ST18: variants seen among roughly 807,000 people sequenced by gnomAD.
ST18 encodes the protein ST18 C2H2C-type zinc finger transcription factor.
A neutral mutation model predicts 110.0 loss-of-function variants in ST18; 50 were observed. That is an observed-to-expected ratio of 0.45 (90% CI 0.36 to 0.58). The LOEUF (loss-of-function observed/expected upper bound fraction) is 0.58. Ranked by LOEUF, ST18 falls within the 20% of genes least tolerant of loss-of-function variation. The pLI is 0.00. For missense variants in ST18, 1,306 were observed against 1,280.1 expected, an observed-to-expected ratio of 1.02 and a Z score of -0.31; for synonymous variants, 461 against 452.4, an observed-to-expected ratio of 1.02 and a Z score of -0.24.
chr8:52,266,156 A>G (rs555524190), intron 2 of ST18, among the ~76,000 whole-genome samples: 1 of 152,218 alleles, frequency 6.6e-6, no homozygotes, highest in Non-Finnish European at 1.5e-5. Flanking sequence ...TGGGAATGGT[A>G]AGGTTGTCAA....
At chr8:52,370,184 G>T (rs1310047974) in intron 2 of ST18, among the ~76,000 whole-genome samples, 1 of 152,212 alleles carries the variant, frequency 6.6e-6, no homozygotes, top group Non-Finnish European at 1.5e-5. Flanking sequence ...AAAGACCATT[G>T]CTATTCAGGG....
intron 2 of ST18, among the ~76,000 whole-genome samples, chr8:52,373,871 C>T (rs192787537): frequency 3.9e-5 from 6 of 152,286 alleles, no homozygotes; most frequent in Non-Finnish European, 5.9e-5. Context: ...CATGCTGACC[C>T]GGCTCCTATA....
chr8:52,149,161 G>A (rs1384657839), intron 16 of ST18, among the ~76,000 whole-genome samples: 1 of 152,090 alleles, frequency 6.6e-6, no homozygotes, highest in South Asian at 2.1e-4. Context: ...TGGCTTTCAG[G>A]GCCAAAACCA....
intron 2 of ST18, among the ~76,000 whole-genome samples, chr8:52,279,193 T>C (rs887910369): frequency 6.6e-6 from 1 of 152,122 alleles, no homozygotes; most frequent in Non-Finnish European, 1.5e-5. Flanking sequence ...TAATCTATGA[T>C]TATTGAAGAG....
At chr8:52,286,285 C>T (rs1369253706) in intron 2 of ST18, among the ~76,000 whole-genome samples, 1 of 152,024 alleles carries the variant, frequency 6.6e-6, no homozygotes, top group Non-Finnish European at 1.5e-5. Context: ...TTGCATTGGG[C>T]ACAGTACAAA....
chr8:52,266,237 G>A (rs183062606), intron 2 of ST18, among the ~76,000 whole-genome samples: 1 of 152,346 alleles, frequency 6.6e-6, no homozygotes, highest in African/African-American at 2.4e-5. Context: ...AGGATGCCTG[G>A]AAATTGAGGC....
chr8:52,365,422 A>G (rs1827470445), intron 2 of ST18, among the ~76,000 whole-genome samples: 1 of 152,194 alleles, frequency 6.6e-6, no homozygotes, highest in Non-Finnish European at 1.5e-5. Context: ...CTTAGCATAA[A>G]AATGAGGAGT....
intron 2 of ST18, among the ~76,000 whole-genome samples, chr8:52,248,178 A>C (rs898592938): frequency 1.3e-5 from 2 of 152,166 alleles, no homozygotes; most frequent in African/African-American, 4.8e-5. Flanking sequence ...ATTCAGTATC[A>C]CAATATTGCT....
rs540082869 is a variant in ST18 at position 52,236,492 on chromosome 8, C to A, written c.-464-6415G>T. 7.2e-5 allele frequency among the ~76,000 whole-genome samples: 11 copies of A among 152,056 alleles called. No homozygotes were observed. The East Asian group carries it at 2.1e-3, about 29-fold the overall frequency. ...GGGCATGGTGGCGGGTGCCTGTAAT[C>A]CCAGCTACTTGGGGAGGCTGAGGCA... On this transcript the variant is annotated intron_variant, in intron 2 of 25. Coordinates refer to ENST00000689386, the MANE Select transcript of ST18 (RefSeq NM_001352837.2).
In ST18 at chr8:52,161,404, T is replaced by G. The variant is rs1344892746; in HGVS notation, c.1565A>C (p.Gln522Pro). Residue 522 changes from glutamine (Q) to proline (P), a missense_variant, in exon 14 of 26, where the codon CAA (glutamine) becomes CCA (proline). Transcript: ENST00000689386. ...AGGAAATGGTGGTGTTTTTCGTCCT[T>G]GCACTGTTTGTATGAGAGGGCGTTT... Reference protein sequence around the residue: ...FGKRPLIQTVQGRKTPPFPES... With the variant: ...FGKRPLIQTVPGRKTPPFPES... 1 of 1,614,148 alleles carries G rather than the reference T, an allele frequency of 6.2e-7. No individual in the cohort carries two copies. The highest frequency in any genetic ancestry group is 8.5e-7 in the Non-Finnish European group (1 of 1,180,016).
intron 23 of ST18, among the ~76,000 whole-genome samples, chr8:52,122,678 G>A (rs924973331): frequency 3.3e-5 from 5 of 151,762 alleles, no homozygotes; most frequent in Non-Finnish European, 7.4e-5. Context: ...TATTAGAGAT[G>A]GGGTTTCAAC....
intron 2 of ST18, among the ~76,000 whole-genome samples, chr8:52,375,689 A>G (rs1832064707): frequency 6.6e-6 from 1 of 152,150 alleles, no homozygotes; most frequent in Non-Finnish European, 1.5e-5. Flanking sequence ...TCCGTATGCC[A>G]ATAACTTCCA....
intron 2 of ST18, among the ~76,000 whole-genome samples, chr8:52,368,790 T>C (rs1829160864): frequency 6.6e-6 from 1 of 152,166 alleles, no homozygotes; most frequent in African/African-American, 2.4e-5. Flanking sequence ...AATACACTGA[T>C]CGATGAAAGA....
chr8:52,272,634 G>A (rs1328716964), intron 2 of ST18, among the ~76,000 whole-genome samples: 2 of 152,158 alleles, frequency 1.3e-5, no homozygotes, highest in East Asian at 1.9e-4. Flanking sequence ...AATTAGTATA[G>A]GTTCAGCCAT....
At chr8:52,121,500 A>G (rs1362727710) in intron 23 of ST18, among the ~76,000 whole-genome samples, 1 of 152,198 alleles carries the variant, frequency 6.6e-6, no homozygotes, top group Non-Finnish European at 1.5e-5. Flanking sequence ...CTTTCCATGC[A>G]CACAGTCTCT....
chr8:52,175,586 T>A (rs2066609070), intron 9 of ST18, among the ~76,000 whole-genome samples: 2 of 152,158 alleles, frequency 1.3e-5, no homozygotes, highest in Admixed American at 1.3e-4. Context: ...ACAAGGAAGA[T>A]CCAATGATGT....
intron 13 of ST18, among the ~76,000 whole-genome samples, chr8:52,162,872 C>T (rs184146168): frequency 4.7e-4 from 72 of 152,222 alleles, no homozygotes; most frequent in African/African-American, 1.6e-3. Context: ...GCCAAAGTTT[C>T]CAATGAGTTT....
intron 2 of ST18, among the ~76,000 whole-genome samples, chr8:52,268,104 A>G (rs1403026158): frequency 6.6e-6 from 1 of 152,244 alleles, no homozygotes; most frequent in Non-Finnish European, 1.5e-5. Context: ...GAGAAATATC[A>G]GAGAGCATTT....
At chr8:52,136,324 G>GA (rs1381560837) in intron 19 of ST18, among the ~76,000 whole-genome samples, 1 of 152,072 alleles carries the variant, frequency 6.6e-6, no homozygotes, top group Non-Finnish European at 1.5e-5. Context: ...GAAATTTACA[G>GA]AAAAAAGTAT....
Sources: allele counts gnomAD v4.1 joint callset (sites outside exome capture counted in the v4.1 genomes callset), GRCh38; gene constraint gnomAD v4.1.1; transcripts MANE v1.5; gene names NCBI Gene and HGNC (gene_info 2026-07-23, HGNC 2026-07-21).